The following CEP128 variants were observed in gnomAD, a reference collection of about 807,000 sequenced individuals.
CEP128 encodes the protein centrosomal protein 128.
A neutral mutation model predicts 156.7 loss-of-function variants in CEP128; 132 were observed. The ratio of observed to expected loss-of-function variants is 0.84; its 90% confidence interval spans 0.73 to 0.97. The LOEUF (loss-of-function observed/expected upper bound fraction) is 0.97, where lower values mean the gene tolerates loss of function less well. CEP128 is among the 50% of genes least tolerant of loss of function. CEP128 has a pLI of 0.00. For synonymous variants in CEP128, 469 were observed against 448.9 expected, an observed-to-expected ratio of 1.04 and a Z score of -0.57; for missense variants, 1,252 against 1,281.9, an observed-to-expected ratio of 0.98 and a Z score of 0.36.
chr14:80,690,915 A>G (rs1896700887), intron 19 of CEP128, among the ~76,000 whole-genome samples: 3 of 152,348 alleles, frequency 2.0e-5, no homozygotes, highest in East Asian at 1.9e-4. Context: ...TATTTGCCAC[A>G]TAAGTTAAAA....
At chr14:80,758,381 G>C (rs1428746464) in intron 17 of CEP128, among the ~76,000 whole-genome samples, 2 of 152,132 alleles carry the variant, frequency 1.3e-5, no homozygotes, top group African/African-American at 4.8e-5. Context: ...AATTAGCCGG[G>C]CGTGGTGGCG....
At chr14:80,573,617 C>T (rs1417835229) in intron 20 of CEP128, among the ~76,000 whole-genome samples, 1 of 152,100 alleles carries the variant, frequency 6.6e-6, no homozygotes, top group African/African-American at 2.4e-5. Context: ...TTAATGAGCA[C>T]TACAATTTCA....
chr14:80,561,913 T>TATATATATATATATATA (rs1566781226), intron 20 of CEP128, among the ~76,000 whole-genome samples: 4 of 148,404 alleles, frequency 2.7e-5, no homozygotes, highest in Non-Finnish European at 4.5e-5. Context: ...TATATATATA[T>TATATATATATATATATA]TTGTTTTGTT....
intron 1 of CEP128, among the ~76,000 whole-genome samples, chr14:80,939,767 C>G (rs1886043246): frequency 6.6e-6 from 1 of 152,170 alleles, no homozygotes; most frequent in Non-Finnish European, 1.5e-5. Context: ...CCTGGGCATC[C>G]CTGGGGCTTG....
At chr14:80,798,623 C>A (rs1256402463) in intron 13 of CEP128, among the ~76,000 whole-genome samples, 1 of 152,154 alleles carries the variant, frequency 6.6e-6, no homozygotes, top group Non-Finnish European at 1.5e-5. Context: ...GTGAATTCTC[C>A]TTATTATTAT....
chr14:80,623,229 T>C (rs1310176301), intron 19 of CEP128, among the ~76,000 whole-genome samples: 2 of 150,692 alleles, frequency 1.3e-5, no homozygotes, highest in East Asian at 2.0e-4. Context: ...AAACACTGCA[T>C]GTTCTCACTC....
chr14:80,729,475 T>C (rs137954207), intron 19 of CEP128, among the ~76,000 whole-genome samples: 3 of 152,308 alleles, frequency 2.0e-5, no homozygotes, highest in African/African-American at 4.8e-5. Context: ...TGTGCTGCTA[T>C]AAACATGCAT....
intron 9 of CEP128, among the ~76,000 whole-genome samples, chr14:80,861,297 A>T (rs1161090744): frequency 6.6e-6 from 1 of 152,008 alleles, no homozygotes; most frequent in Non-Finnish European, 1.5e-5. Context: ...AGTCCCAAAG[A>T]TAATTTTACT....
At chr14:80,796,882 G>A (rs1438799804) in intron 13 of CEP128, among the ~76,000 whole-genome samples, 1 of 152,126 alleles carries the variant, frequency 6.6e-6, no homozygotes, top group Non-Finnish European at 1.5e-5. Flanking sequence ...CTTATCTGAG[G>A]ACCAACTCCT....
intron 19 of CEP128, among the ~76,000 whole-genome samples, chr14:80,588,321 A>G (rs114826116): frequency 0.012 from 1,763 of 152,196 alleles, 33 homozygotes; most frequent in African/African-American, 0.04. Context: ...ACACACAGAC[A>G]GTACGTACCC....
chr14:80,652,801 A>G (rs1595155836), intron 19 of CEP128, among the ~76,000 whole-genome samples: 1 of 152,346 alleles, frequency 6.6e-6, no homozygotes, highest in East Asian at 1.9e-4. Context: ...AGGATCTAGA[A>G]TTAGAAATAC....
At chr14:80,866,319 T>C (rs543794028) in intron 8 of CEP128, among the ~76,000 whole-genome samples, 7 of 152,172 alleles carry the variant, frequency 4.6e-5, no homozygotes, top group Middle Eastern at 3.4e-3. Flanking sequence ...ACCCAGGCAC[T>C]AGGGACACCC....
At chr14:80,660,162 T>C (rs1432497181) in intron 19 of CEP128, among the ~76,000 whole-genome samples, 1 of 152,134 alleles carries the variant, frequency 6.6e-6, no homozygotes, top group African/African-American at 2.4e-5. Flanking sequence ...TCTTTACCCA[T>C]ATACTCTAAA....
chr14:80,581,307 T>C (rs754660127), intron 19 of CEP128, among the ~76,000 whole-genome samples: 6 of 152,194 alleles, frequency 3.9e-5, no homozygotes, highest in Non-Finnish European at 5.9e-5. Context: ...CTCATTGATA[T>C]AGCTTACCAA....
intron 18 of CEP128, among the ~76,000 whole-genome samples, chr14:80,747,942 T>C (rs917668715): frequency 6.6e-6 from 1 of 152,200 alleles, no homozygotes; most frequent in African/African-American, 2.4e-5. Context: ...AAATTAAATG[T>C]GGTGATGACT....
At chr14:80,762,451 C>A (rs1332702404) in intron 16 of CEP128, among the ~76,000 whole-genome samples, 4 of 151,710 alleles carry the variant, frequency 2.6e-5, no homozygotes, top group African/African-American at 9.7e-5. Flanking sequence ...ACAACAAAAC[C>A]AGGAAAATTA....
At chr14:80,803,541 A>G (rs1195833918) in intron 13 of CEP128, among the ~76,000 whole-genome samples, 2 of 152,164 alleles carry the variant, frequency 1.3e-5, no homozygotes, top group African/African-American at 4.8e-5. Flanking sequence ...AACACCACTC[A>G]TGCCAAAGTA....
At chr14:80,854,174 A>G (rs906114545) in intron 9 of CEP128, among the ~76,000 whole-genome samples, 1 of 152,110 alleles carries the variant, frequency 6.6e-6, no homozygotes, top group Non-Finnish European at 1.5e-5. Context: ...GATGGCAAAA[A>G]CTTAAAGAAT....
At chr14:80,533,885 CAT>C (rs1335088526) in intron 21 of CEP128, among the ~76,000 whole-genome samples, 1 of 152,098 alleles carries the variant, frequency 6.6e-6, no homozygotes, top group Non-Finnish European at 1.5e-5. Context: ...GATCCACAAA[CAT>C]AGATGGCATA....
Sources: gnomAD v4.1 joint callset for allele counts (sites outside exome capture counted in the v4.1 genomes callset) on GRCh38, gnomAD v4.1.1 for gene constraint, MANE v1.5 for transcripts, NCBI Gene and HGNC (gene_info 2026-07-23, HGNC 2026-07-21) for gene names.